Variants in PCDH11X observed in about 807,000 individuals in gnomAD.
PCDH11X encodes protocadherin 11 X-linked, also known as protocadherin-11 X-linked.
PCDH11X carries 18 observed loss-of-function variants against 53.3 expected under a neutral mutation model. That is an observed-to-expected ratio of 0.34 (90% CI 0.23 to 0.50). The LOEUF (loss-of-function observed/expected upper bound fraction) is 0.50. Among genes scored for constraint, PCDH11X ranks in the 20% least tolerant of loss-of-function variants. The pLI is 0.98. For missense variants in PCDH11X, 570 were observed against 1,032.4 expected, an observed-to-expected ratio of 0.55 and a Z score of 6.14; for synonymous variants, 279 against 393.3, an observed-to-expected ratio of 0.71 and a Z score of 3.44.
intron 8 of PCDH11X, among the ~76,000 whole-genome samples, chrX:92,303,632 C>T (rs2068765937): frequency 9.0e-6 from 1 of 111,726 alleles, no homozygotes; most frequent in Non-Finnish European, 1.9e-5. Flanking sequence ...CATCTGTTTG[C>T]CACCTGCAAC....
intron 6 of PCDH11X, among the ~76,000 whole-genome samples, chrX:92,038,983 T>TATCAGC (rs1253029968): frequency 8.9e-6 from 1 of 111,739 alleles, no homozygotes; most frequent in Non-Finnish European, 1.9e-5. Flanking sequence ...GATATGTCTT[T>TATCAGC]ATCAGCAGTG....
intron 6 of PCDH11X, among the ~76,000 whole-genome samples, chrX:91,975,751 G>A (rs186430108): frequency 9.0e-4 from 100 of 111,110 alleles, no homozygotes; most frequent in African/African-American, 3.0e-3. Flanking sequence ...GCTGTTGATA[G>A]CATCAAGTAA....
At chrX:92,410,801 G>T (rs1358551073) in intron 9 of PCDH11X, among the ~76,000 whole-genome samples, 1 of 95,718 alleles carries the variant, frequency 1.0e-5, no homozygotes, top group Non-Finnish European at 2.0e-5. Context: ...AAGAGAATTT[G>T]TATAAGTAGT....
intron 7 of PCDH11X, among the ~76,000 whole-genome samples, chrX:92,231,707 A>T (rs1186632977): frequency 8.9e-6 from 1 of 112,173 alleles, no homozygotes. Context: ...TAGTTGAATG[A>T]GACTCTCCCA....
chrX:92,566,965 T>A (rs1236591666), intron 10 of PCDH11X, among the ~76,000 whole-genome samples: 2 of 108,439 alleles, frequency 1.8e-5, no homozygotes, highest in African/African-American at 6.7e-5. Context: ...AGTTCTCTAT[T>A]CTGTTCCATT....
intron 5 of PCDH11X, among the ~76,000 whole-genome samples, chrX:91,838,839 G>T (rs958820754): frequency 3.0e-4 from 32 of 107,312 alleles, no homozygotes; most frequent in Non-Finnish European, 5.2e-4. Flanking sequence ...AGGGAGAGAA[G>T]GGAGAAATAT....
intron 6 of PCDH11X, among the ~76,000 whole-genome samples, chrX:92,081,251 G>A (rs1182896295): frequency 1.8e-5 from 2 of 110,503 alleles, no homozygotes; most frequent in Admixed American, 2.0e-4. Context: ...AGATACTGAA[G>A]AGTCCCCCTC....
chrX:92,458,360 T>A lies in PCDH11X; in HGVS notation c.3344-9939T>A, dbSNP rs374353148. On this transcript the variant is annotated intron_variant, in intron 9 of 10. Transcript: ENST00000682573. ...AACACATCATCTCAAGCCTTTATCA[T>A]TTTTTTGTTTTAGGAACATTCCAAT... 2.3e-4 allele frequency among the ~76,000 whole-genome samples: 23 copies of A among 101,465 alleles called. No individual in the cohort carries two copies. The East Asian group carries it at 3.8e-3, about 17-fold the overall frequency. The allele number at this position is 101,465 out of a possible 115,157, so 88.1% of individuals were successfully genotyped here.
At chrX:91,802,988 T>C (rs962293153) in intron 1 of PCDH11X, among the ~76,000 whole-genome samples, 1 of 111,710 alleles carries the variant, frequency 9.0e-6, no homozygotes, top group Non-Finnish European at 1.9e-5. Flanking sequence ...GAAAGTCAGT[T>C]TATAAAGTTG....
chrX:91,954,258 G>A (rs1173722078), intron 6 of PCDH11X, among the ~76,000 whole-genome samples: 1 of 110,746 alleles, frequency 9.0e-6, no homozygotes, highest in Non-Finnish European at 1.9e-5. Flanking sequence ...GGGAATGATG[G>A]CTTCTAGCTT....
chrX:92,233,138 G>A, intron 7 of PCDH11X, among the ~76,000 whole-genome samples: 1 of 13,265 alleles, frequency 7.5e-5, no homozygotes, highest in Non-Finnish European at 1.1e-3. Flanking sequence ...AGCCTCAGTC[G>A]ATTGTACTCT....
intron 6 of PCDH11X, among the ~76,000 whole-genome samples, chrX:91,881,643 A>G (rs1445611571): frequency 1.8e-5 from 2 of 111,700 alleles, no homozygotes; most frequent in African/African-American, 3.2e-5. Context: ...GTTTAATGTT[A>G]GGGTGTTCAA....
chrX:92,331,449 C>T (rs892767383), intron 8 of PCDH11X, among the ~76,000 whole-genome samples: 2 of 102,267 alleles, frequency 2.0e-5, no homozygotes, highest in African/African-American at 3.6e-5. Flanking sequence ...AATGTCCTGA[C>T]TCTTGTGGTA....
intron 10 of PCDH11X, among the ~76,000 whole-genome samples, chrX:92,530,677 G>A (rs1052821281): frequency 1.2e-4 from 13 of 112,297 alleles, no homozygotes; most frequent in African/African-American, 2.9e-4. Flanking sequence ...TATCACCTGG[G>A]TGATGAATAT....
intron 6 of PCDH11X, among the ~76,000 whole-genome samples, chrX:92,152,795 G>GTATT (rs398073674): frequency 0.24 from 18,515 of 76,352 alleles, 1,920 homozygotes; most frequent in East Asian, 0.73. Context: ...ATGTATGTAT[G>GTATT]TATTTATTTA....
chrX:91,969,653 C>G (rs1315192584), intron 6 of PCDH11X, among the ~76,000 whole-genome samples: 2 of 108,260 alleles, frequency 1.8e-5, no homozygotes, highest in African/African-American at 3.4e-5. Context: ...AAAAAATTAC[C>G]AGGGCGTGGT....
intron 6 of PCDH11X, among the ~76,000 whole-genome samples, chrX:92,094,742 A>G (rs2064107461): frequency 8.9e-6 from 1 of 111,830 alleles, no homozygotes; most frequent in Non-Finnish European, 1.9e-5. Flanking sequence ...CACTAGGACA[A>G]TATGCTATGC....
intron 8 of PCDH11X, 84 bp downstream of exon 8, chrX:92,263,227 T>A: frequency 1.3e-6 from 1 of 799,538 alleles, no homozygotes; most frequent in Non-Finnish European, 1.8e-6. Flanking sequence ...TCCATGGAGT[T>A]AAAACTGTAA....
chrX:92,020,359 G>C (rs1483771336), intron 6 of PCDH11X, among the ~76,000 whole-genome samples: 1 of 112,004 alleles, frequency 8.9e-6, no homozygotes, highest in African/African-American at 3.2e-5. Context: ...CCCTGCTGGA[G>C]CCAGGGAGGC....
Sources: allele counts gnomAD v4.1 joint callset (sites outside exome capture counted in the v4.1 genomes callset), GRCh38; gene constraint gnomAD v4.1.1; transcripts MANE v1.5; gene names NCBI Gene and HGNC (gene_info 2026-07-23, HGNC 2026-07-21).